Variants in GLI2 observed in about 807,000 individuals in gnomAD.
GLI2 encodes GLI family zinc finger 2.
In GLI2, 22 loss-of-function variants were observed where a neutral mutation model predicts 78.9. That is an observed-to-expected ratio of 0.28 (90% CI 0.20 to 0.40). The LOEUF (loss-of-function observed/expected upper bound fraction) is 0.40, where lower values mean the gene tolerates loss of function less well. GLI2 is among the 10% of genes least tolerant of loss of function. GLI2 has a pLI of 1.00. For missense variants in GLI2, 2,097 were observed against 2,213.2 expected (o/e 0.95, Z 1.05); for synonymous variants, 974 against 963.7 (o/e 1.01, Z -0.20).
At chr2:120,832,792 T>C (rs1363725754) in intron 2 of GLI2, among the ~76,000 whole-genome samples, 1 of 152,064 alleles carries the variant, frequency 6.6e-6, no homozygotes, top group South Asian at 2.1e-4. Context: ...CCATGGAGTC[T>C]TCAAGAGGAC....
At chr2:120,945,957 T>TCACACAAACACACACACA (rs1680687706) in intron 3 of GLI2, among the ~76,000 whole-genome samples, 2 of 134,258 alleles carry the variant, frequency 1.5e-5, no homozygotes, top group East Asian at 4.8e-4. Context: ...CATAACCTTC[T>TCACACAAACACACACACA]CACACACACA....
At chr2:120,807,861 T>TC (rs985310516) in intron 2 of GLI2, among the ~76,000 whole-genome samples, 2 of 140,328 alleles carry the variant, frequency 1.4e-5, no homozygotes, top group African/African-American at 5.1e-5. Flanking sequence ...CCCACACACC[T>TC]CCCCGCCCCC....
intron 1 of GLI2, among the ~76,000 whole-genome samples, chr2:120,745,353 C>A (rs1312980079): frequency 6.6e-6 from 1 of 152,140 alleles, no homozygotes; most frequent in Non-Finnish European, 1.5e-5. Flanking sequence ...GGAAGTTTGA[C>A]CCACACTTAG....
At chr2:120,908,005 C>A (rs1404658976) in intron 2 of GLI2, among the ~76,000 whole-genome samples, 1 of 152,194 alleles carries the variant, frequency 6.6e-6, no homozygotes, top group Non-Finnish European at 1.5e-5. Context: ...GTGAAAGCCC[C>A]CAGCAGGGGG....
intron 3 of GLI2, among the ~76,000 whole-genome samples, chr2:120,945,084 G>A (rs1336265954): frequency 6.6e-6 from 1 of 152,212 alleles, no homozygotes; most frequent in African/African-American, 2.4e-5. Context: ...AGGGAAAGAG[G>A]GAAGAGGAAG....
chr2:120,895,221 A>G (rs1315299082), intron 2 of GLI2, among the ~76,000 whole-genome samples: 1 of 152,256 alleles, frequency 6.6e-6, no homozygotes, highest in African/African-American at 2.4e-5. Context: ...AAAAGAAAAC[A>G]ACAACAATGA....
chr2:120,847,489 T>G (rs1687175772), intron 2 of GLI2, among the ~76,000 whole-genome samples: 1 of 151,982 alleles, frequency 6.6e-6, no homozygotes, highest in Admixed American at 6.6e-5. Context: ...CTCTTGAAGA[T>G]CAGGAGGAAG....
intron 2 of GLI2, among the ~76,000 whole-genome samples, chr2:120,906,994 TCA>T (rs1247963084): frequency 6.6e-6 from 1 of 152,014 alleles, no homozygotes; most frequent in Non-Finnish European, 1.5e-5. Context: ...GTCTGCAGCA[TCA>T]CACACACACC....
chr2:120,796,117 A>G (rs926161542), intron 1 of GLI2, among the ~76,000 whole-genome samples: 2 of 152,226 alleles, frequency 1.3e-5, no homozygotes, highest in African/African-American at 4.8e-5. Context: ...CTTCTGATAG[A>G]AAGGCTGGAT....
At chr2:120,987,869 G>T (rs1683052152) in intron 13 of GLI2, among the ~76,000 whole-genome samples, 1 of 152,272 alleles carries the variant, frequency 6.6e-6, no homozygotes, top group East Asian at 1.9e-4. Flanking sequence ...GCTTCCCCTC[G>T]CCCACCCTTA....
chr2:120,909,082 C>T (rs1011416218), intron 2 of GLI2, among the ~76,000 whole-genome samples: 4 of 152,138 alleles, frequency 2.6e-5, no homozygotes, highest in African/African-American at 4.8e-5. Flanking sequence ...CCCAGTTCCC[C>T]GGTCCCCTGA....
intron 2 of GLI2, among the ~76,000 whole-genome samples, chr2:120,895,298 A>G (rs777448845): frequency 3.3e-5 from 5 of 152,240 alleles, no homozygotes; most frequent in Non-Finnish European, 7.3e-5. Flanking sequence ...TTTTGCTTGG[A>G]TGTGGCACTG....
intron 3 of GLI2, among the ~76,000 whole-genome samples, chr2:120,934,595 T>C (rs1455428385): frequency 6.6e-6 from 1 of 152,156 alleles, no homozygotes; most frequent in Non-Finnish European, 1.5e-5. Context: ...GGCCCAGGTA[T>C]GTTAGGGCAA....
intron 1 of GLI2, among the ~76,000 whole-genome samples, chr2:120,778,111 C>A (rs1174476072): frequency 6.6e-6 from 1 of 152,148 alleles, no homozygotes; most frequent in Non-Finnish European, 1.5e-5. Context: ...CCAGTACCCA[C>A]TGTAAACAGA....
chr2:120,824,091 TG>T (rs1467149562), intron 2 of GLI2, among the ~76,000 whole-genome samples: 1 of 152,300 alleles, frequency 6.6e-6, no homozygotes, highest in East Asian at 1.9e-4. Context: ...GTTCATATCT[TG>T]GGGGGATTCC....
In GLI2 at chr2:120,873,853, G is replaced by C. The variant is rs62150744; in HGVS notation, c.149-53508G>C. On this transcript the variant is annotated intron_variant, in intron 2 of 13. Coordinates refer to ENST00000361492, the MANE Select transcript of GLI2 (RefSeq NM_001374353.1). ...AAAATCTCTCTTGTTTGCAGAGTTCGTAACGACAGAGAACATTTCCATACC... is the reference window on the plus strand; with the variant it reads ...AAAATCTCTCTTGTTTGCAGAGTTCCTAACGACAGAGAACATTTCCATACC... Among the ~76,000 whole-genome samples, 5 of 152,146 alleles carry C rather than the reference G, an allele frequency of 3.3e-5. No homozygotes were observed. In the East Asian group the frequency reaches 9.6e-4, roughly 29 times the overall value.
chr2:120,769,867 G>A lies in GLI2; in HGVS notation c.-30-27424G>A, dbSNP rs574531812. The stretch of plus-strand genomic sequence containing the variant: ...GGGCTTTAAGTGTGTGGAAGTTTGG[G>A]TGCACAAACACTGTGTGTGTGTGTG... On this transcript the variant is annotated intron_variant, in intron 1 of 13. Transcript: ENST00000361492. Among the ~76,000 whole-genome samples, 388 of 152,168 alleles carry A rather than the reference G, an allele frequency of 2.5e-3. 1 individual carries two copies. Among genetic ancestry groups the A allele is most frequent in the Non-Finnish European group, 3.9e-3 (265 of 68,008 alleles).
intron 2 of GLI2, among the ~76,000 whole-genome samples, chr2:120,874,634 C>T (rs567884972): frequency 1.5e-4 from 23 of 152,302 alleles, no homozygotes; most frequent in Admixed American, 2.6e-4. Flanking sequence ...TATGGTCTCT[C>T]GGCATGCATT....
rs1170816516 is a variant in GLI2 at position 120,990,439 on chromosome 2, C to A, written c.4474C>A (p.Gln1492Lys). 5 of 1,613,966 alleles carry A rather than the reference C, an allele frequency of 3.1e-6. No individual in the cohort carries two copies. The highest frequency in any genetic ancestry group is 1.3e-5 in the African/African-American group (1 of 74,900). ...TVDSQLLEAP[Q>K]IDFDAIMDDG... Reference sequence around the variant, plus strand: ...GGACTCCCAGCTCCTGGAGGCCCCCCAGATTGACTTCGATGCCATCATGGA... The same window carrying A: ...GGACTCCCAGCTCCTGGAGGCCCCCAAGATTGACTTCGATGCCATCATGGA... Residue 1492 changes from glutamine (Q) to lysine (K), a missense_variant, in exon 14 of 14, where the codon CAG (glutamine) becomes AAG (lysine). By Grantham distance (53) the Gln-to-Lys change is moderately conservative. Coordinates refer to ENST00000361492, the MANE Select transcript of GLI2 (RefSeq NM_001374353.1).
Sources: allele counts gnomAD v4.1 joint callset (sites outside exome capture counted in the v4.1 genomes callset), GRCh38; gene constraint gnomAD v4.1.1; transcripts MANE v1.5; gene names NCBI Gene and HGNC (gene_info 2026-07-23, HGNC 2026-07-21).